LRRC69: variants seen among roughly 807,000 people sequenced by gnomAD.
The protein encoded by LRRC69 is leucine-rich repeat-containing protein 69.
In LRRC69, 42 loss-of-function variants were observed where a neutral mutation model predicts 37.8. That is an observed-to-expected ratio of 1.11 (90% confidence interval 0.87 to 1.44). The LOEUF (loss-of-function observed/expected upper bound fraction) is 1.44. Ranked by LOEUF, LRRC69 falls within the 40% of genes most tolerant of loss-of-function variation. The probability of loss-of-function intolerance (pLI) is 0.00; values close to 1 mark genes in which losing one functional copy is unlikely to be tolerated. For missense variants in LRRC69, 357 were observed against 401.9 expected, an observed-to-expected ratio of 0.89 and a Z score of 0.96; for synonymous variants, 141 against 143.1, an observed-to-expected ratio of 0.99 and a Z score of 0.11.
chr8:91,219,082 C>T (rs990119628), downstream of LRRC69: 2 of 606,136 alleles, frequency 3.3e-6, no homozygotes, highest in Non-Finnish European at 5.6e-6. Context: ...ACTTAAGATA[C>T]CATGCCTGTT....
chr8:91,127,837 GGGTTTTA>G (rs1563597566), intron 3 of LRRC69, among the ~76,000 whole-genome samples: 1 of 151,922 alleles, frequency 6.6e-6, no homozygotes, highest in African/African-American at 2.4e-5. Flanking sequence ...GCAGCATCCA[GGGTTTTA>G]AAAGAGAATA....
At chr8:91,189,546 T>C (rs1586274710) in exon 6 of LRRC69, 1 of 1,550,814 alleles carries the variant, frequency 6.4e-7, no homozygotes, top group Non-Finnish European at 8.7e-7. Context: ...GCTGAGGGAA[T>C]TCTACTGTGA....
chr8:91,185,889 T>G (rs1355950214), intron 5 of LRRC69, among the ~76,000 whole-genome samples: 4 of 152,160 alleles, frequency 2.6e-5, no homozygotes, highest in Non-Finnish European at 5.9e-5. Context: ...TGGTTCTATT[T>G]TTGAGTCCAT....
In LRRC69 at chr8:91,115,138, A is replaced by G. The variant is rs111801903; in HGVS notation, c.184-9355A>G. On this transcript the variant is annotated intron_variant, in intron 1 of 7. Transcript: ENST00000448384. ...AGAGCTAATGCACAATGATGTGACT[A>G]TAGTTAATATTGTATAGTATACTTG... 2.1e-3 allele frequency among the ~76,000 whole-genome samples: 316 copies of G among 152,174 alleles called. 4 individuals carry two copies. Among genetic ancestry groups the G allele is most frequent in the Non-Finnish European group, 2.5e-3 (172 of 68,028 alleles).
At chr8:91,157,590 A>G in intron 5 of LRRC69, 1 of 1,545,074 alleles carries the variant, frequency 6.5e-7, no homozygotes, top group Non-Finnish European at 8.9e-7. Flanking sequence ...TTACAACTGC[A>G]CCTGATCAGG....
chr8:91,179,632 A>G (rs1196617165), intron 5 of LRRC69, among the ~76,000 whole-genome samples: 1 of 152,210 alleles, frequency 6.6e-6, no homozygotes, highest in Admixed American at 6.5e-5. Context: ...TTCTAAAGAT[A>G]CCTTTATTAT....
At position 91,128,111 on chromosome 8, in the gene LRRC69, G is replaced by A. The variant is rs1036238698; in HGVS notation, c.383+951G>A. Among the ~76,000 whole-genome samples, 5 of 152,042 alleles carry A rather than the reference G, an allele frequency of 3.3e-5. No homozygotes were observed. The East Asian group carries it at 5.8e-4, about 18-fold the overall frequency. On this transcript the variant is annotated intron_variant, in intron 3 of 7. Transcript: ENST00000448384. ...TTACAAATTCAGCTTATCAATCGAT[G>A]TATATATTGATGATGATATAATTTT... is the stretch of plus-strand genomic sequence containing the variant.
intron 4 of LRRC69, among the ~76,000 whole-genome samples, chr8:91,134,941 T>C (rs959940880): frequency 6.6e-6 from 1 of 151,988 alleles, no homozygotes; most frequent in Non-Finnish European, 1.5e-5. Context: ...GGTATACACA[T>C]GCAAAGATTT....
At chr8:91,168,059 C>A (rs1350892550) in intron 5 of LRRC69, among the ~76,000 whole-genome samples, 1 of 151,686 alleles carries the variant, frequency 6.6e-6, no homozygotes, top group Non-Finnish European at 1.5e-5. Context: ...AAATTCCCTG[C>A]CCTCTTGGAG....
intron 5 of LRRC69, among the ~76,000 whole-genome samples, chr8:91,164,612 T>C (rs1311504219): frequency 1.3e-5 from 2 of 151,724 alleles, no homozygotes; most frequent in South Asian, 4.1e-4. Flanking sequence ...TGGTTAATAA[T>C]ATTTTTTGAA....
intron 5 of LRRC69, among the ~76,000 whole-genome samples, chr8:91,180,534 G>A (rs915417305): frequency 7.2e-5 from 11 of 152,162 alleles, no homozygotes; most frequent in Admixed American, 2.0e-4. Flanking sequence ...AGTCCAGTAC[G>A]CACTCAAGGG....
intron 5 of LRRC69, among the ~76,000 whole-genome samples, chr8:91,164,339 C>T (rs754547265): frequency 4.0e-5 from 6 of 151,672 alleles, no homozygotes; most frequent in Non-Finnish European, 8.8e-5. Context: ...AAACTAGGCT[C>T]AGAAAATAGC....
At chr8:91,136,789 C>G (rs1367771002) in intron 5 of LRRC69, among the ~76,000 whole-genome samples, 1 of 151,994 alleles carries the variant, frequency 6.6e-6, no homozygotes, top group Non-Finnish European at 1.5e-5. Context: ...ACTCTAGGTA[C>G]CAGATAAGTG....
chr8:91,104,322 A>G (rs1365181000), intron 1 of LRRC69, among the ~76,000 whole-genome samples: 1 of 151,848 alleles, frequency 6.6e-6, no homozygotes, highest in Non-Finnish European at 1.5e-5. Context: ...CTTTTATAAC[A>G]CTTACAGCTT....
chr8:91,195,056 T>C (rs1332735408), intron 6 of LRRC69, among the ~76,000 whole-genome samples: 1 of 152,248 alleles, frequency 6.6e-6, no homozygotes, highest in Non-Finnish European at 1.5e-5. Context: ...TTTGTTCTCA[T>C]TGGTTTCAAA....
intron 5 of LRRC69, among the ~76,000 whole-genome samples, chr8:91,159,852 A>G (rs1013304480): frequency 6.6e-6 from 1 of 151,026 alleles, no homozygotes; most frequent in Non-Finnish European, 1.5e-5. Context: ...TCTTTCAAGC[A>G]TACTTGTAAA....
chr8:91,178,023 T>A (rs1809264602), intron 5 of LRRC69, among the ~76,000 whole-genome samples: 1 of 152,018 alleles, frequency 6.6e-6, no homozygotes, highest in Admixed American at 6.6e-5. Flanking sequence ...TAATTTTTTG[T>A]GTTTTTAGTA....
intron 4 of LRRC69, among the ~76,000 whole-genome samples, chr8:91,135,389 T>C (rs1390884596): frequency 6.6e-6 from 1 of 152,028 alleles, no homozygotes; most frequent in Non-Finnish European, 1.5e-5. Context: ...CCCATAGTTA[T>C]AGTACCTGCC....
Position 91,129,275 on chromosome 8 carries a change from G to A in LRRC69, c.383+2115G>A, listed in dbSNP as rs117808807. 3.6e-4 allele frequency among the ~76,000 whole-genome samples: 55 copies of A among 152,108 alleles called. 1 individual carries two copies. In the East Asian group the frequency reaches 7.5e-3, roughly 21 times the overall value. ...CAGGCTCAGTTCTTTCTCCAAATTC[G>A]TCAGTCAGTGAAGTTGTTCTTCAAT... On this transcript the variant is annotated intron_variant, in intron 3 of 7. Coordinates refer to ENST00000448384, the Ensembl canonical transcript of LRRC69.
Sources: gnomAD v4.1 joint callset for allele counts (sites outside exome capture counted in the v4.1 genomes callset) on GRCh38, gnomAD v4.1.1 for gene constraint, MANE v1.5 for transcripts, NCBI Gene and HGNC (gene_info 2026-07-23, HGNC 2026-07-21) for gene names.